The following MAST4 variants were observed in gnomAD, a reference collection of about 807,000 sequenced individuals.
The protein encoded by MAST4 is microtubule-associated serine/threonine-protein kinase 4.
MAST4 carries 89 observed loss-of-function variants against 162.7 expected under a neutral mutation model. The observed-to-expected ratio is 0.55, with a 90% CI of 0.46 to 0.65. The LOEUF (loss-of-function observed/expected upper bound fraction) is 0.65. Ranked by LOEUF, MAST4 falls within the 30% of genes least tolerant of loss-of-function variation. The probability of loss-of-function intolerance (pLI) is 0.00; values close to 1 mark genes in which losing one functional copy is unlikely to be tolerated. For missense variants in MAST4, 3,153 were observed against 3,374.0 expected, an observed-to-expected ratio of 0.93 and a Z score of 1.62; for synonymous variants, 1,479 against 1,361.1, an observed-to-expected ratio of 1.09 and a Z score of -1.91.
Position 66,786,971 on chromosome 5 carries a change from T to C in MAST4, c.518-1699T>C, listed in dbSNP as rs141083935. Among the ~76,000 whole-genome samples, 244 of 152,248 alleles carry C rather than the reference T, an allele frequency of 1.6e-3. 2 individuals are homozygous for C. Among genetic ancestry groups the C allele is most frequent in the African/African-American group, 5.7e-3 (238 of 41,554 alleles). Reference sequence around the variant, plus strand: ...GTATCACATTTTTTTTGCAATAAAATATAGGTTGTAAAAAGAAAGTCTAGA... The same window carrying C: ...GTATCACATTTTTTTTGCAATAAAACATAGGTTGTAAAAAGAAAGTCTAGA... On this transcript the variant is annotated intron_variant, in intron 2 of 28. Transcript: ENST00000403625.
intron 3 of MAST4, among the ~76,000 whole-genome samples, chr5:66,867,963 C>G (rs554773986): frequency 6.6e-6 from 1 of 152,270 alleles, no homozygotes; most frequent in East Asian, 1.9e-4. Context: ...ATTCTTAGAA[C>G]TTAGAATTTG....
chr5:66,948,856 C>G (rs192561119), intron 4 of MAST4, among the ~76,000 whole-genome samples: 1 of 152,030 alleles, frequency 6.6e-6, no homozygotes, highest in Non-Finnish European at 1.5e-5. Context: ...ACTCTGTGTG[C>G]GAGCATGGTG....
At chr5:67,024,385 G>T (rs1327198124) in intron 4 of MAST4, among the ~76,000 whole-genome samples, 1 of 144,560 alleles carries the variant, frequency 6.9e-6, no homozygotes, top group African/African-American at 2.8e-5. Context: ...GTACACACAC[G>T]ATATATATCT....
intron 1 of MAST4, among the ~76,000 whole-genome samples, chr5:66,638,340 C>T (rs1488546932): frequency 1.3e-5 from 2 of 152,168 alleles, no homozygotes; most frequent in African/African-American, 4.8e-5. Context: ...CAGCTGGTTT[C>T]CTTTTCTGTG....
At chr5:67,061,844 A>G (rs576668591) in intron 5 of MAST4, among the ~76,000 whole-genome samples, 18 of 151,990 alleles carry the variant, frequency 1.2e-4, no homozygotes, top group Non-Finnish European at 2.6e-4. Flanking sequence ...AAAAATCTGA[A>G]TTCTTTCTAA....
chr5:66,802,996 G>A (rs1394160691), intron 3 of MAST4, among the ~76,000 whole-genome samples: 1 of 152,130 alleles, frequency 6.6e-6, no homozygotes, highest in African/African-American at 2.4e-5. Context: ...GAAAAAGACT[G>A]GTATGTTTGA....
At chr5:66,838,764 G>A (rs981698718) in intron 3 of MAST4, among the ~76,000 whole-genome samples, 1 of 152,172 alleles carries the variant, frequency 6.6e-6, no homozygotes, top group Non-Finnish European at 1.5e-5. Flanking sequence ...GCAAGGTGTG[G>A]TGGCTGAACA....
At chr5:67,101,100 G>A (rs1409469713) in intron 8 of MAST4, among the ~76,000 whole-genome samples, 1 of 152,196 alleles carries the variant, frequency 6.6e-6, no homozygotes, top group Non-Finnish European at 1.5e-5. Flanking sequence ...ACCTAACACT[G>A]GGTAGGGCCA....
intron 2 of MAST4, among the ~76,000 whole-genome samples, chr5:66,782,182 G>A (rs148509536): frequency 6.6e-6 from 1 of 151,888 alleles, no homozygotes; most frequent in Admixed American, 6.6e-5. Flanking sequence ...CCAGCTACTC[G>A]GGAGGCTGAG....
intron 10 of MAST4, 55 bp downstream of exon 10, chr5:67,104,630 A>AT: frequency 6.7e-7 from 1 of 1,502,380 alleles, no homozygotes; most frequent in Non-Finnish European, 9.1e-7. Flanking sequence ...CCCTGAAAAA[A>AT]ATTTTTTTTT....
intron 5 of MAST4, among the ~76,000 whole-genome samples, chr5:67,069,287 G>GAGATATAT (rs138978370): frequency 4.6e-5 from 5 of 107,648 alleles, no homozygotes; most frequent in East Asian, 2.3e-4. Context: ...GAGGAGATTG[G>GAGATATAT]ATATATATAT....
chr5:67,037,399 G>A (rs1756153750), intron 4 of MAST4, among the ~76,000 whole-genome samples: 1 of 152,096 alleles, frequency 6.6e-6, no homozygotes, highest in Admixed American at 6.6e-5. Context: ...TTTGATTTTA[G>A]GCTGGTGTGA....
At chr5:66,604,823 A>G (rs1210217759) in intron 1 of MAST4, among the ~76,000 whole-genome samples, 1 of 152,228 alleles carries the variant, frequency 6.6e-6, no homozygotes, top group Non-Finnish European at 1.5e-5. Context: ...GCTGCAATGC[A>G]GGAAGGGCCT....
intron 1 of MAST4, among the ~76,000 whole-genome samples, chr5:66,603,174 G>C (rs1391022713): frequency 6.6e-6 from 1 of 152,128 alleles, no homozygotes; most frequent in Non-Finnish European, 1.5e-5. Flanking sequence ...TTCATGAGTA[G>C]GTAGATATGT....
rs1251774788 is a variant in MAST4 at position 67,111,707 on chromosome 5, C to A, written c.1458+1508C>A. The stretch of plus-strand genomic sequence containing the variant: ...GGGAAAGTGTCATTTAGCATTAAAA[C>A]CTGTTTTTCTGGACAACAGCAGATA... On this transcript the variant is annotated intron_variant, in intron 11 of 28. Transcript: ENST00000403625. Among the ~76,000 whole-genome samples, 2 of 152,154 alleles carry A rather than the reference C, an allele frequency of 1.3e-5. 1 individual carries two copies. The highest frequency in any genetic ancestry group is 4.8e-5 in the African/African-American group (2 of 41,430).
At chr5:66,654,476 G>A (rs1746424867) in intron 1 of MAST4, among the ~76,000 whole-genome samples, 1 of 152,204 alleles carries the variant, frequency 6.6e-6, no homozygotes, top group Admixed American at 6.5e-5. Flanking sequence ...TGAGGACAGA[G>A]CTACAGAAGG....
intron 27 of MAST4, among the ~76,000 whole-genome samples, chr5:67,161,070 C>T (rs912851420): frequency 7.2e-5 from 11 of 152,262 alleles, no homozygotes; most frequent in East Asian, 1.9e-4. Flanking sequence ...CACTGAAAAA[C>T]GAACTAGCTT....
At chr5:67,090,446 GC>G (rs1763732548) in intron 6 of MAST4, among the ~76,000 whole-genome samples, 2 of 32,846 alleles carry the variant, frequency 6.1e-5, no homozygotes, top group African/African-American at 5.0e-4. Context: ...CCCCCTCCCC[GC>G]TTCTCCCCCT....
chr5:66,975,727 C>T (rs1402913345), intron 4 of MAST4, among the ~76,000 whole-genome samples: 2 of 152,172 alleles, frequency 1.3e-5, no homozygotes, highest in African/African-American at 2.4e-5. Context: ...GGCACGGTGG[C>T]TCATGCCTGT....
Sources: allele counts gnomAD v4.1 joint callset (sites outside exome capture counted in the v4.1 genomes callset), GRCh38; gene constraint gnomAD v4.1.1; transcripts MANE v1.5; gene names NCBI Gene and HGNC (gene_info 2026-07-23, HGNC 2026-07-21).